Variants in PLCL2 observed in about 807,000 individuals in gnomAD.
PLCL2 encodes the protein phospholipase C like 2.
PLCL2 carries 4 observed loss-of-function variants against 79.6 expected under a neutral mutation model. That is an observed-to-expected ratio of 0.05 (90% CI 0.02 to 0.11). The LOEUF (loss-of-function observed/expected upper bound fraction) is 0.11, where lower values mean the gene tolerates loss of function less well. Ranked by LOEUF, PLCL2 falls within the 10% of genes least tolerant of loss-of-function variation. The pLI, the probability that PLCL2 is intolerant of heterozygous loss-of-function variation, is 1.00. For synonymous variants in PLCL2, 484 were observed against 457.7 expected (o/e 1.06, Z -0.73); for missense variants, 895 against 1,291.0 (o/e 0.69, Z 4.70).
chr3:16,985,032 A>G (rs973810907), intron 1 of PLCL2, among the ~76,000 whole-genome samples: 1 of 152,166 alleles, frequency 6.6e-6, no homozygotes, highest in Non-Finnish European at 1.5e-5. Context: ...TATAAGCACA[A>G]GAAGTTTCAT....
At chr3:16,989,807 C>A (rs190224684) in intron 1 of PLCL2, among the ~76,000 whole-genome samples, 2 of 152,210 alleles carry the variant, frequency 1.3e-5, no homozygotes, top group East Asian at 3.9e-4. Flanking sequence ...TCTTGTTAGC[C>A]CTTTAATTGG....
At chr3:17,023,421 A>AG (rs2064477965) in intron 3 of PLCL2, among the ~76,000 whole-genome samples, 1 of 152,156 alleles carries the variant, frequency 6.6e-6, no homozygotes, top group Non-Finnish European at 1.5e-5. Flanking sequence ...GGAGGGACCC[A>AG]GGGGGAGGTA....
At chr3:17,075,938 G>A (rs2065104970) in intron 5 of PLCL2, among the ~76,000 whole-genome samples, 2 of 152,146 alleles carry the variant, frequency 1.3e-5, no homozygotes, top group Non-Finnish European at 2.9e-5. Flanking sequence ...GGACATTTGT[G>A]TTGTTTCCAA....
intron 1 of PLCL2, among the ~76,000 whole-genome samples, chr3:16,970,058 A>ATATATATT (rs1553640074): frequency 2.1e-5 from 3 of 145,764 alleles, no homozygotes; most frequent in South Asian, 2.1e-4. Flanking sequence ...ATATATATAT[A>ATATATATT]TTTTATTTTA....
intron 3 of PLCL2, among the ~76,000 whole-genome samples, chr3:17,034,996 C>A (rs1283328708): frequency 6.6e-6 from 1 of 152,180 alleles, no homozygotes; most frequent in Non-Finnish European, 1.5e-5. Flanking sequence ...ACCTGTCATA[C>A]TAGTTATTAT....
intron 4 of PLCL2, among the ~76,000 whole-genome samples, chr3:17,052,400 G>A (rs925402873): frequency 3.0e-4 from 46 of 152,192 alleles, no homozygotes; most frequent in Middle Eastern, 3.4e-3. Flanking sequence ...TGTAGAAGAA[G>A]CAGTGCCCCC....
At chr3:16,934,890 A>C (rs1285041893) in intron 1 of PLCL2, among the ~76,000 whole-genome samples, 1 of 152,208 alleles carries the variant, frequency 6.6e-6, no homozygotes, top group Non-Finnish European at 1.5e-5. Flanking sequence ...TGCATTTAAC[A>C]TATTATTCTT....
intron 1 of PLCL2, among the ~76,000 whole-genome samples, chr3:16,924,028 T>C (rs1697187168): frequency 6.6e-6 from 1 of 152,198 alleles, no homozygotes; most frequent in African/African-American, 2.4e-5. Flanking sequence ...CCTTTAGTTC[T>C]TTGTGCACGA....
intron 4 of PLCL2, among the ~76,000 whole-genome samples, chr3:17,051,989 C>T (rs2064845773): frequency 6.6e-6 from 1 of 152,030 alleles, no homozygotes; most frequent in African/African-American, 2.4e-5. Flanking sequence ...ACCTTTAAGG[C>T]TCATTACAGA....
intron 1 of PLCL2, among the ~76,000 whole-genome samples, chr3:16,954,310 A>C (rs1158566858): frequency 6.6e-6 from 1 of 152,094 alleles, no homozygotes; most frequent in Non-Finnish European, 1.5e-5. Context: ...GTTTGCTGAG[A>C]ATGATGGTTT....
At chr3:16,925,798 A>G (rs1394508394) in intron 1 of PLCL2, among the ~76,000 whole-genome samples, 3 of 152,170 alleles carry the variant, frequency 2.0e-5, no homozygotes, top group Admixed American at 1.3e-4. Flanking sequence ...AGTTATTTCT[A>G]CCTTTTGGCT....
At chr3:16,971,458 A>G (rs567403307) in intron 1 of PLCL2, among the ~76,000 whole-genome samples, 2 of 152,260 alleles carry the variant, frequency 1.3e-5, no homozygotes, top group South Asian at 4.1e-4. Context: ...GTAGCCTTGT[A>G]GTATAGTTTG....
intron 3 of PLCL2, among the ~76,000 whole-genome samples, chr3:17,024,858 C>T (rs1463380505): frequency 1.3e-5 from 2 of 152,168 alleles, no homozygotes; most frequent in East Asian, 3.8e-4. Flanking sequence ...GCTGTGGGCA[C>T]AGAGGCGGCT....
chr3:17,042,063 T>C (rs995843493), intron 3 of PLCL2, among the ~76,000 whole-genome samples: 2 of 152,214 alleles, frequency 1.3e-5, no homozygotes, highest in Non-Finnish European at 2.9e-5. Flanking sequence ...AATATTTGGA[T>C]ATTTAAATAC....
chr3:17,025,818 A>G (rs1198774089), intron 3 of PLCL2, among the ~76,000 whole-genome samples: 1 of 152,172 alleles, frequency 6.6e-6, no homozygotes, highest in Non-Finnish European at 1.5e-5. Flanking sequence ...TGAAGCTCAT[A>G]TTTTGTTGTT....
chr3:17,064,530 G>A (rs1270109270), intron 4 of PLCL2, among the ~76,000 whole-genome samples: 3 of 152,058 alleles, frequency 2.0e-5, no homozygotes, highest in Non-Finnish European at 4.4e-5. Flanking sequence ...TGATTCCCTT[G>A]GTTGCGTATC....
At chr3:16,912,072 G>A (rs1328096321) in intron 1 of PLCL2, among the ~76,000 whole-genome samples, 3 of 152,062 alleles carry the variant, frequency 2.0e-5, no homozygotes, top group Non-Finnish European at 2.9e-5. Context: ...AATCTGAAAC[G>A]CTTCTGGTTC....
chr3:16,968,047 T>C (rs746727339), intron 1 of PLCL2, among the ~76,000 whole-genome samples: 16 of 151,994 alleles, frequency 1.1e-4, no homozygotes, highest in Non-Finnish European at 2.1e-4. Context: ...TGTTTTTGTC[T>C]ACTTTGTTGG....
chr3:17,029,641 T>TA (rs1197987918), intron 3 of PLCL2, among the ~76,000 whole-genome samples: 1 of 152,100 alleles, frequency 6.6e-6, no homozygotes, highest in African/African-American at 2.4e-5. Flanking sequence ...AAGCCTTGGG[T>TA]AGGGATAGGG....
Sources: gnomAD v4.1 joint callset for allele counts (sites outside exome capture counted in the v4.1 genomes callset) on GRCh38, gnomAD v4.1.1 for gene constraint, MANE v1.5 for transcripts, NCBI Gene and HGNC (gene_info 2026-07-23, HGNC 2026-07-21) for gene names.